KIAA1328: variants seen among roughly 807,000 people sequenced by gnomAD.
The protein encoded by KIAA1328 is KIAA1328.
Under a neutral mutation model 68.1 loss-of-function variants are expected in KIAA1328, and 52 were observed. That is an observed-to-expected ratio of 0.76 (90% CI 0.61 to 0.96). The LOEUF is 0.96. KIAA1328 is among the 40% of genes least tolerant of loss of function. The pLI is 0.00. For synonymous variants in KIAA1328, 232 were observed against 239.4 expected, an observed-to-expected ratio of 0.97 and a Z score of 0.28; for missense variants, 641 against 677.6, an observed-to-expected ratio of 0.95 and a Z score of 0.60.
intron 7 of KIAA1328, among the ~76,000 whole-genome samples, chr18:37,111,746 AG>A: frequency 6.6e-6 from 1 of 152,178 alleles, no homozygotes; most frequent in East Asian, 1.9e-4. Flanking sequence ...GGGAAGCACA[AG>A]GGGTCGGGGA....
chr18:37,122,657 T>C (rs1458414710), intron 7 of KIAA1328, among the ~76,000 whole-genome samples: 2 of 145,584 alleles, frequency 1.4e-5, no homozygotes, highest in Non-Finnish European at 2.9e-5. Flanking sequence ...TATGTTGCAG[T>C]TGATGGGTTT....
chr18:37,137,133 C>T (rs2091184734), intron 7 of KIAA1328, among the ~76,000 whole-genome samples: 1 of 152,098 alleles, frequency 6.6e-6, no homozygotes, highest in South Asian at 2.1e-4. Context: ...CTGCTCTAAT[C>T]CCTAATTATA....
intron 4 of KIAA1328, among the ~76,000 whole-genome samples, chr18:36,872,431 A>G (rs1191951913): frequency 1.3e-5 from 2 of 152,200 alleles, no homozygotes; most frequent in Non-Finnish European, 2.9e-5. Flanking sequence ...GAGGAAACTC[A>G]TAAAGCTGAA....
rs185461373 is a variant in KIAA1328, at chr18:36,951,660, A to G, written c.449-7648A>G. ...CCACTAAACTCTCCCAAGCATCTTT[A>G]ACTCTGTGTTCTAAAGCTGCACTCT... On this transcript the variant is annotated intron_variant, in intron 5 of 9. Transcript: ENST00000280020. 8.1e-3 allele frequency among the ~76,000 whole-genome samples: 1,233 copies of G among 152,254 alleles called. 53 individuals are homozygous for G. Among genetic ancestry groups the G allele is most frequent in the Admixed American group, 0.071 (1,078 of 15,282 alleles).
intron 8 of KIAA1328, among the ~76,000 whole-genome samples, chr18:37,170,419 A>G (rs2059477683): frequency 6.6e-6 from 1 of 152,248 alleles, no homozygotes. Flanking sequence ...TGTAAGGATT[A>G]ATAATGAGAT....
intron 9 of KIAA1328, among the ~76,000 whole-genome samples, chr18:37,207,712 A>C (rs2060241946): frequency 6.6e-6 from 1 of 152,212 alleles, no homozygotes; most frequent in Non-Finnish European, 1.5e-5. Flanking sequence ...TACAGCCCAA[A>C]CATCTCTGCA....
At chr18:36,954,912 G>C (rs2051343197) in intron 5 of KIAA1328, among the ~76,000 whole-genome samples, 1 of 151,894 alleles carries the variant, frequency 6.6e-6, no homozygotes, top group African/African-American at 2.4e-5. Flanking sequence ...GGGCAGGCTG[G>C]TCTCAAACTC....
intron 6 of KIAA1328, among the ~76,000 whole-genome samples, chr18:36,978,232 A>T (rs1030504463): frequency 6.6e-6 from 1 of 152,194 alleles, no homozygotes; most frequent in Non-Finnish European, 1.5e-5. Flanking sequence ...GTGAAATGTT[A>T]TCTACCAGGG....
At chr18:36,871,386 G>A (rs1020410982) in intron 4 of KIAA1328, among the ~76,000 whole-genome samples, 1 of 152,114 alleles carries the variant, frequency 6.6e-6, no homozygotes, top group African/African-American at 2.4e-5. Flanking sequence ...GGGGCTACCT[G>A]AAATTGACAT....
At chr18:37,032,099 G>T (rs1192933455) in intron 6 of KIAA1328, among the ~76,000 whole-genome samples, 1 of 152,132 alleles carries the variant, frequency 6.6e-6, no homozygotes, top group Non-Finnish European at 1.5e-5. Flanking sequence ...AGAATCTCTG[G>T]AGCCCAGGAG....
At chr18:36,949,392 A>T (rs952536980) in intron 5 of KIAA1328, among the ~76,000 whole-genome samples, 3 of 152,150 alleles carry the variant, frequency 2.0e-5, no homozygotes, top group Non-Finnish European at 1.5e-5. Context: ...ATGAAATCAA[A>T]GTTCTGGTCC....
At chr18:37,087,667 G>A (rs1026922130) in intron 7 of KIAA1328, among the ~76,000 whole-genome samples, 1 of 152,162 alleles carries the variant, frequency 6.6e-6, no homozygotes, top group South Asian at 2.1e-4. Context: ...AGGTAGGCAC[G>A]CTGGGGACTC....
chr18:37,067,103 T>A lies in KIAA1328; in HGVS notation c.790T>A (p.Ser264Thr), dbSNP rs556086527. 1.2e-6 allele frequency: 2 copies of A among 1,613,954 alleles called. No individual in the cohort carries two copies. The highest frequency in any genetic ancestry group is 2.2e-5 in the South Asian group (2 of 91,090). The change falls in exon 7 of 10, where the codon TCA becomes ACA. Residue 264 changes from serine (S) to threonine (T), a missense_variant. By Grantham distance (58) the Ser-to-Thr change is moderately conservative. Transcript: ENST00000280020. The part of the protein sequence containing the change: ...HPKDDLDKIP[S>T]ETTTCNCESP... ...CAAAGATGATCTAGATAAGATACCA[T>A]CAGAGACCACAACATGTAATTGTGA...
At chr18:37,055,066 A>T (rs1418391243) in intron 6 of KIAA1328, among the ~76,000 whole-genome samples, 1 of 152,150 alleles carries the variant, frequency 6.6e-6, no homozygotes, top group African/African-American at 2.4e-5. Context: ...TGGGAACTAG[A>T]ATAAGTTATG....
At chr18:37,072,750 T>A (rs568543042) in intron 7 of KIAA1328, among the ~76,000 whole-genome samples, 39 of 152,254 alleles carry the variant, frequency 2.6e-4, no homozygotes, top group African/African-American at 8.9e-4. Flanking sequence ...ACTGACCCAT[T>A]CCCTAAGTTC....
intron 6 of KIAA1328, among the ~76,000 whole-genome samples, chr18:37,039,436 C>T (rs1263443608): frequency 2.0e-5 from 3 of 149,030 alleles, no homozygotes; most frequent in East Asian, 2.0e-4. Flanking sequence ...TTTTTTGAGG[C>T]GGAATCTCGC....
intron 6 of KIAA1328, among the ~76,000 whole-genome samples, chr18:37,042,115 C>G (rs2055277265): frequency 6.6e-6 from 1 of 152,070 alleles, no homozygotes; most frequent in Non-Finnish European, 1.5e-5. Context: ...CCAGGCTGGT[C>G]TCGAACTTCT....
At chr18:37,160,103 T>C in intron 7 of KIAA1328, 97 bp from the exon 8 acceptor site, 1 of 885,890 alleles carries the variant, frequency 1.1e-6, no homozygotes, top group Non-Finnish European at 1.6e-6. Context: ...AGAGAGTTCT[T>C]AATGAATTGC....
intron 6 of KIAA1328, among the ~76,000 whole-genome samples, chr18:37,045,686 A>C (rs1412716220): frequency 6.6e-6 from 1 of 152,172 alleles, no homozygotes; most frequent in Non-Finnish European, 1.5e-5. Context: ...TTTCTTTCAG[A>C]ATACTTTACT....
Sources: gnomAD v4.1 joint callset for allele counts (sites outside exome capture counted in the v4.1 genomes callset) on GRCh38, gnomAD v4.1.1 for gene constraint, MANE v1.5 for transcripts, NCBI Gene and HGNC (gene_info 2026-07-23, HGNC 2026-07-21) for gene names.